XPNPEP3: variants seen among roughly 807,000 people sequenced by gnomAD.
XPNPEP3 encodes the protein X-prolyl aminopeptidase 3.
XPNPEP3 carries 41 observed loss-of-function variants against 60.0 expected under a neutral mutation model. The observed-to-expected ratio is 0.68, with a 90% CI of 0.53 to 0.89. The LOEUF is 0.89. Among genes scored for constraint, XPNPEP3 ranks in the 40% least tolerant of loss-of-function variants. The pLI, the probability that XPNPEP3 is intolerant of heterozygous loss-of-function variation, is 0.00. For missense variants in XPNPEP3, 598 were observed against 638.9 expected (o/e 0.94, Z 0.69); for synonymous variants, 212 against 223.2 (o/e 0.95, Z 0.45).
At chr22:40,917,541 A>G (rs1045258944) in intron 7 of XPNPEP3, among the ~76,000 whole-genome samples, 3 of 152,276 alleles carry the variant, frequency 2.0e-5, no homozygotes, top group South Asian at 4.1e-4. Flanking sequence ...AAACCACTGA[A>G]TTGTACACTT....
chr22:40,922,637 G>A, intron 8 of XPNPEP3, 124 bp downstream of exon 8: 2 of 1,260,998 alleles, frequency 1.6e-6, no homozygotes, highest in Admixed American at 1.9e-5. Flanking sequence ...TGTAATCCCA[G>A]TAGTTTAGGA....
chr22:40,911,169 A>G (rs1370783147), intron 6 of XPNPEP3, among the ~76,000 whole-genome samples: 3 of 152,078 alleles, frequency 2.0e-5, no homozygotes, highest in Admixed American at 6.6e-5. Context: ...TTGGTACAAC[A>G]TAGCATCTCT....
intron 4 of XPNPEP3, among the ~76,000 whole-genome samples, chr22:40,895,806 C>T (rs1020706430): frequency 6.6e-6 from 1 of 152,112 alleles, no homozygotes; most frequent in African/African-American, 2.4e-5. Flanking sequence ...TGAGTTAATT[C>T]TGTCATTCTT....
Position 40,857,362 on chromosome 22 carries a change from C to T in XPNPEP3, c.64+117C>T, listed in dbSNP as rs73885706. 2,245 of 1,129,454 alleles carry T rather than the reference C, an allele frequency of 2.0e-3. 35 individuals are homozygous for T. The African/African-American group carries it at 0.032, about 16-fold the overall frequency. 70.0% of individuals were successfully genotyped at this position (1,129,454 alleles called of 1,614,324 possible). A position where few individuals can be genotyped will look rare whatever the true frequency, so the allele number is the denominator to read the frequency against. ...CCTGGTGGGGCCTCCGCTCCCCAAC[C>T]CTCTGTGCTCCGCGGATTTCTTCTA... On this transcript the variant is annotated intron_variant, in intron 1 of 9. Coordinates refer to ENST00000357137, the MANE Select transcript of XPNPEP3 (RefSeq NM_022098.4).
chr22:40,896,789 A>C (rs1394169304), intron 4 of XPNPEP3, among the ~76,000 whole-genome samples: 1 of 152,152 alleles, frequency 6.6e-6, no homozygotes, highest in Non-Finnish European at 1.5e-5. Flanking sequence ...AATTGTACTC[A>C]ATAAATAATA....
At chr22:40,873,670 G>C (rs563953079) in intron 2 of XPNPEP3, among the ~76,000 whole-genome samples, 1 of 151,994 alleles carries the variant, frequency 6.6e-6, no homozygotes, top group Non-Finnish European at 1.5e-5. Context: ...TCCTAGCTAC[G>C]CCTATAATCC....
intron 4 of XPNPEP3, among the ~76,000 whole-genome samples, chr22:40,892,733 T>C (rs2058092777): frequency 6.6e-6 from 1 of 152,124 alleles, no homozygotes. Flanking sequence ...GTCATATGAG[T>C]GGTAGTCACA....
intron 1 of XPNPEP3, among the ~76,000 whole-genome samples, chr22:40,865,652 C>T (rs528787973): frequency 2.8e-3 from 299 of 105,380 alleles, no homozygotes; most frequent in Non-Finnish European, 4.0e-3. Flanking sequence ...TCTTAAAACA[C>T]TTGTTTTTTA....
intron 4 of XPNPEP3, among the ~76,000 whole-genome samples, chr22:40,896,642 A>T (rs1417672743): frequency 6.6e-6 from 1 of 152,138 alleles, no homozygotes; most frequent in Non-Finnish European, 1.5e-5. Context: ...AAAAAAAAAA[A>T]ATTTACCATT....
rs1601524141 is a variant in XPNPEP3, at chr22:40,927,319, C to A, written c.*884C>A. 1 of 152,006 alleles carries A rather than the reference C, an allele frequency of 6.6e-6. No homozygotes were observed. The highest frequency in any genetic ancestry group is 6.6e-5 in the Admixed American group (1 of 15,230). 9.4% of individuals were successfully genotyped at this position (152,006 alleles called of 1,614,324 possible). ...TGAAACACTGTCTCTACTAAAAATA[C>A]AAAAATGAGCTGGGTGTGATGATAC... On this transcript the variant is annotated 3_prime_UTR_variant, in exon 10 of 10. Coordinates refer to ENST00000357137, the MANE Select transcript of XPNPEP3 (RefSeq NM_022098.4).
intron 4 of XPNPEP3, among the ~76,000 whole-genome samples, chr22:40,902,898 T>G (rs529206690): frequency 6.6e-6 from 1 of 152,278 alleles, no homozygotes; most frequent in South Asian, 2.1e-4. Flanking sequence ...ACGTAAGGGC[T>G]TGGTGGTTCT....
chr22:40,861,395 A>T lies in XPNPEP3; in HGVS notation c.64+4150A>T, dbSNP rs776233221. 3.1e-5 allele frequency: 50 copies of T among 1,613,600 alleles called. No homozygotes were observed. The highest frequency in any genetic ancestry group is 4.2e-5 in the Non-Finnish European group (50 of 1,179,918). ...GATCACTTTCAATAATTTTCTTTGTATTAATATTTCTGCCATTAACGATTT... is the reference window on the plus strand; with the variant it reads ...GATCACTTTCAATAATTTTCTTTGTTTTAATATTTCTGCCATTAACGATTT... On this transcript the variant is annotated intron_variant, in intron 1 of 9. Transcript: ENST00000357137.
At chr22:40,885,483 T>C (rs999949226) in intron 3 of XPNPEP3, among the ~76,000 whole-genome samples, 3 of 152,182 alleles carry the variant, frequency 2.0e-5, no homozygotes, top group Non-Finnish European at 4.4e-5. Flanking sequence ...TGAGGAAATA[T>C]CAACTGTAGT....
intron 1 of XPNPEP3, chr22:40,861,168 T>A: frequency 6.2e-7 from 1 of 1,614,182 alleles, no homozygotes; most frequent in Non-Finnish European, 8.5e-7. Flanking sequence ...GGGATCTCTG[T>A]TGCTGGTAAC....
rs2058253929 is a variant in XPNPEP3 at position 40,931,330 on chromosome 22, A to G, written c.*4895A>G. 6.6e-6 allele frequency: 1 copy of G among 152,230 alleles called. No homozygotes were observed. The highest frequency in any genetic ancestry group is 1.5e-5 in the Non-Finnish European group (1 of 68,040). The allele number at this position is 152,230 out of a possible 1,614,324, so 9.4% of individuals were successfully genotyped here. On this transcript the variant is annotated 3_prime_UTR_variant, in exon 10 of 10. Transcript: ENST00000357137. ...AACATATCTGGATATCCAGTGTCAC[A>G]TACTTTTATGTATTTATTTCAGGAA...
chr22:40,900,343 G>A (rs1182148603), intron 4 of XPNPEP3, among the ~76,000 whole-genome samples: 2 of 149,446 alleles, frequency 1.3e-5, no homozygotes, highest in African/African-American at 4.9e-5. Flanking sequence ...GGTGACCCAC[G>A]CCTATAATCC....
chr22:40,858,464 A>C (rs2057918376), intron 1 of XPNPEP3, among the ~76,000 whole-genome samples: 4 of 151,188 alleles, frequency 2.6e-5, no homozygotes, highest in Admixed American at 2.6e-4. Flanking sequence ...AAGGCACAGA[A>C]CTCTAAAACG....
At chr22:40,874,972 G>A (rs974231841) in intron 2 of XPNPEP3, among the ~76,000 whole-genome samples, 1 of 152,008 alleles carries the variant, frequency 6.6e-6, no homozygotes, top group Non-Finnish European at 1.5e-5. Context: ...AAGTGATGAC[G>A]TTACATTTAT....
At chr22:40,910,088 GA>G (rs556277515) in intron 6 of XPNPEP3, among the ~76,000 whole-genome samples, 4 of 143,602 alleles carry the variant, frequency 2.8e-5, no homozygotes, top group South Asian at 4.3e-4. Flanking sequence ...AAATCCAAAA[GA>G]AAAAAATATA....
Sources: allele counts gnomAD v4.1 joint callset (sites outside exome capture counted in the v4.1 genomes callset), GRCh38; gene constraint gnomAD v4.1.1; transcripts MANE v1.5; gene names NCBI Gene and HGNC (gene_info 2026-07-23, HGNC 2026-07-21).